WNT7B: variants seen among roughly 807,000 people sequenced by gnomAD.
WNT7B encodes the protein protein Wnt-7b.
Under a neutral mutation model 38.2 loss-of-function variants are expected in WNT7B, and 19 were observed. The observed-to-expected ratio is 0.50, with a 90% CI of 0.35 to 0.73. The LOEUF (loss-of-function observed/expected upper bound fraction) is 0.73, where lower values mean the gene tolerates loss of function less well. WNT7B is among the 30% of genes least tolerant of loss of function. The pLI is 0.01. For synonymous variants in WNT7B, 243 were observed against 209.3 expected (o/e 1.16, Z -1.39); for missense variants, 423 against 507.9 (o/e 0.83, Z 1.61).
At chr22:45,946,040 C>T (rs986278842) in intron 2 of WNT7B, among the ~76,000 whole-genome samples, 4 of 149,666 alleles carry the variant, frequency 2.7e-5, no homozygotes, top group African/African-American at 9.8e-5. Flanking sequence ...GGCCCAGGCC[C>T]GTGGTCCTGG....
At chr22:45,928,291 A>G (rs77060195) in intron 3 of WNT7B, among the ~76,000 whole-genome samples, 6,563 of 152,220 alleles carry the variant, frequency 0.043, 190 homozygotes, top group South Asian at 0.079. Context: ...TTCAGTGCTT[A>G]TGGAAAGTTC....
chr22:45,931,440 C>A, intron 2 of WNT7B, 71 bp from the exon 3 acceptor site: 1 of 1,467,068 alleles, frequency 6.8e-7, no homozygotes, highest in Admixed American at 2.3e-5. Flanking sequence ...GGACAGGGTG[C>A]CGGGCCTCGA....
chr22:45,941,547 C>A (rs1601725417), intron 2 of WNT7B, among the ~76,000 whole-genome samples: 1 of 150,128 alleles, frequency 6.7e-6, no homozygotes, highest in Non-Finnish European at 1.5e-5. Context: ...GACTCTTCTG[C>A]AGTGAGGACC....
At chr22:45,973,599 T>G (rs956524348) in intron 1 of WNT7B, among the ~76,000 whole-genome samples, 1 of 151,840 alleles carries the variant, frequency 6.6e-6, no homozygotes, top group African/African-American at 2.4e-5. Flanking sequence ...GAGCAGAGAG[T>G]GTCCAGACTC....
intron 3 of WNT7B, 106 bp downstream of exon 3, chr22:45,930,992 G>C: frequency 7.0e-7 from 1 of 1,422,352 alleles, no homozygotes. Flanking sequence ...GCACACCTAC[G>C]GAGACTCAAC....
At chr22:45,973,504 T>C (rs1224678561) in intron 1 of WNT7B, among the ~76,000 whole-genome samples, 1 of 152,172 alleles carries the variant, frequency 6.6e-6, no homozygotes, top group Non-Finnish European at 1.5e-5. Context: ...TCCAGGGCTC[T>C]CGGGCCCCTC....
intron 3 of WNT7B, chr22:45,926,814 A>T: frequency 4.1e-6 from 4 of 985,386 alleles, no homozygotes; most frequent in Non-Finnish European, 3.6e-6. Context: ...AAGTTACATC[A>T]TGAGCCACTG....
Position 45,975,433 on chromosome 22 carries a change from C to G in WNT7B, c.71+1251G>C, listed in dbSNP as rs1426578043. ...TATGATAAACGGGGCTACCGGCAGC[C>G]GCAGACACGCCCGCCCAGACCTGCA... On this transcript the variant is annotated intron_variant, in intron 1 of 3. Transcript: ENST00000339464. The surrounding 1 kb of genome is among the most constrained non-coding windows in gnomAD (Gnocchi z 6.6). 1.6e-6 allele frequency: 1 copy of G among 642,138 alleles called. No individual in the cohort carries two copies. The allele number at this position is 642,138 out of a possible 1,614,324, so 39.8% of individuals were successfully genotyped here.
At chr22:45,940,390 T>A (rs2146722521) in intron 2 of WNT7B, among the ~76,000 whole-genome samples, 1 of 151,968 alleles carries the variant, frequency 6.6e-6, no homozygotes, top group South Asian at 2.1e-4. Context: ...CAGGGAAAGC[T>A]GCAAAGTCTG....
At chr22:45,936,286 G>A (rs1789380665) in intron 2 of WNT7B, among the ~76,000 whole-genome samples, 2 of 152,216 alleles carry the variant, frequency 1.3e-5, no homozygotes, top group African/African-American at 4.8e-5. Context: ...CCAGCTCTGA[G>A]AGCAAACAGG....
At chr22:45,932,550 G>T (rs1931399439) in intron 2 of WNT7B, among the ~76,000 whole-genome samples, 1 of 152,166 alleles carries the variant, frequency 6.6e-6, no homozygotes, top group Non-Finnish European at 1.5e-5. Flanking sequence ...AGATGGGCAG[G>T]TTCAGCTCTC....
At chr22:45,925,542 C>T (rs1931056950) in intron 3 of WNT7B, 2 of 985,284 alleles carry the variant, frequency 2.0e-6, no homozygotes, top group Non-Finnish European at 2.4e-6. Context: ...GGGCGACCCC[C>T]AGAGAGTATA....
intron 1 of WNT7B, among the ~76,000 whole-genome samples, chr22:45,963,886 G>T (rs964742105): frequency 1.3e-5 from 2 of 152,142 alleles, no homozygotes; most frequent in African/African-American, 4.8e-5. Context: ...ACCCTGCCTG[G>T]CTCCTAAAGA....
intron 1 of WNT7B, among the ~76,000 whole-genome samples, chr22:45,952,258 C>T (rs549514844): frequency 2.0e-5 from 3 of 152,324 alleles, no homozygotes; most frequent in Non-Finnish European, 4.4e-5. Flanking sequence ...TTTTCCAGGG[C>T]GGCCGAGCAC....
intron 3 of WNT7B, among the ~76,000 whole-genome samples, chr22:45,930,351 C>G (rs1288322291): frequency 6.6e-6 from 1 of 152,244 alleles, no homozygotes; most frequent in Non-Finnish European, 1.5e-5. Flanking sequence ...ACCTGAGAAG[C>G]CCCCTAGGCT....
rs115848514 is a variant in WNT7B at position 45,932,582 on chromosome 22, T to G, written c.299-1213A>C. On this transcript the variant is annotated intron_variant, in intron 2 of 3. Transcript: ENST00000339464. ...TCTCATTTCCTCTTTGTTTCCCCCA[T>G]CTCCAGGCCAGGCCCTGTGCATCCT... is the stretch of plus-strand genomic sequence containing the variant. Among the ~76,000 whole-genome samples the G allele has an allele frequency of 6.1e-3, 927 of 152,216 alleles. 8 individuals are homozygous for G. Among genetic ancestry groups the G allele is most frequent in the African/African-American group, 0.021 (884 of 41,514 alleles).
At position 45,966,385 on chromosome 22, in the gene WNT7B, C is replaced by G. The variant is rs1932311618; in HGVS notation, c.71+10299G>C. Among the ~76,000 whole-genome samples the G allele has an allele frequency of 6.6e-6, 1 of 152,246 alleles. No individual in the cohort carries two copies. The highest frequency in any genetic ancestry group is 2.4e-5 in the African/African-American group (1 of 41,462). ...TGCGCGGAGGCCAGCTGAGACACCA[C>G]CAGTCCTTGTGCCCGGGCTCCCTCC... On this transcript the variant is annotated intron_variant, in intron 1 of 3. Coordinates refer to ENST00000339464, the MANE Select transcript of WNT7B (RefSeq NM_058238.3). The surrounding 1 kb of genome is among the most constrained non-coding windows in gnomAD (Gnocchi z 4.2).
At chr22:45,956,293 G>A (rs1024454860) in intron 1 of WNT7B, among the ~76,000 whole-genome samples, 1 of 152,190 alleles carries the variant, frequency 6.6e-6, no homozygotes, top group Non-Finnish European at 1.5e-5. Context: ...CTATCCTGTG[G>A]CGTCCACAGC....
Position 45,965,023 on chromosome 22 carries a change from C to T in WNT7B, c.71+11661G>A, listed in dbSNP as rs2146748891. Among the ~76,000 whole-genome samples, 1 of 152,292 alleles carries T rather than the reference C, an allele frequency of 6.6e-6. No homozygotes were observed. The highest frequency in any genetic ancestry group is 1.9e-4 in the East Asian group (1 of 5,162). On this transcript the variant is annotated intron_variant, in intron 1 of 3. Transcript: ENST00000339464. This position sits in a 1 kb window ranked among gnomAD's most constrained non-coding sequence, Gnocchi z 6.5. ...TCTTTCTAAAGCTCTGCTGAAGCCA[C>T]TCCTCCCTGCCCTGGGCTCCCCAGA...
Sources: allele counts gnomAD v4.1 joint callset (sites outside exome capture counted in the v4.1 genomes callset), GRCh38; gene constraint gnomAD v4.1.1; non-coding constraint Gnocchi (gnomAD v3.1); transcripts MANE v1.5; gene names NCBI Gene and HGNC (gene_info 2026-07-23, HGNC 2026-07-21).